Variants in CSMD1 observed in about 807,000 individuals in gnomAD.
CSMD1 encodes CUB and sushi domain-containing protein 1.
In CSMD1, 213 loss-of-function variants were observed where a neutral mutation model predicts 417.5. The observed-to-expected ratio is 0.51, with a 90% confidence interval of 0.46 to 0.57. The LOEUF is 0.57. CSMD1 is among the 20% of genes least tolerant of loss of function. The probability of loss-of-function intolerance (pLI) is 0.00; values close to 1 mark genes in which losing one functional copy is unlikely to be tolerated. For synonymous variants in CSMD1, 2,862 were observed against 1,736.8 expected (o/e 1.65, Z -16.11); for missense variants, 6,923 against 4,529.7 (o/e 1.53, Z -15.17).
At chr8:4,098,959 C>A (rs1801164029) in intron 3 of CSMD1, among the ~76,000 whole-genome samples, 1 of 152,134 alleles carries the variant, frequency 6.6e-6, no homozygotes, top group Admixed American at 6.5e-5. Context: ...AACTGTTTTA[C>A]AATTTTCAAA....
chr8:3,218,620 A>C (rs7006966), intron 29 of CSMD1, among the ~76,000 whole-genome samples: 41,688 of 148,464 alleles, frequency 0.28, 6,048 homozygotes, highest in African/African-American at 0.32. Context: ...GTCTATAATC[A>C]CAGCACTTTG....
In CSMD1 at chr8:4,145,253, A is replaced by G. The variant is rs13257224; in HGVS notation, c.416-113154T>C. On this transcript the variant is annotated intron_variant, in intron 3 of 69. Transcript: ENST00000635120. ...TAGGACATTCATGACCTGGACAGGT[A>G]TAACTGGAACTTGTAGAGTTAGACT... Among the ~76,000 whole-genome samples the G allele has an allele frequency of 1.7e-3, 258 of 150,902 alleles. 2 individuals are homozygous for G. Among genetic ancestry groups the G allele is most frequent in the Admixed American group, 4.9e-3 (75 of 15,232 alleles).
chr8:3,616,224 C>A (rs113701355), intron 8 of CSMD1, among the ~76,000 whole-genome samples: 1 of 152,090 alleles, frequency 6.6e-6, no homozygotes, highest in Non-Finnish European at 1.5e-5. Flanking sequence ...TGGGAGGGAC[C>A]GGTGAGAGGC....
intron 5 of CSMD1, among the ~76,000 whole-genome samples, chr8:3,894,664 G>C (rs1417959305): frequency 5.3e-5 from 8 of 152,158 alleles, no homozygotes; most frequent in Non-Finnish European, 7.3e-5. Flanking sequence ...CCTAACAAGA[G>C]AGTCTAATTG....
At chr8:3,868,428 G>A (rs145554850) in intron 5 of CSMD1, among the ~76,000 whole-genome samples, 240 of 152,240 alleles carry the variant, frequency 1.6e-3, no homozygotes, top group Non-Finnish European at 3.0e-3. Flanking sequence ...CAGCTGGGGG[G>A]CAGCTGTAAG....
At chr8:3,564,517 T>TTTTG (rs144757433) in intron 10 of CSMD1, among the ~76,000 whole-genome samples, 1,498 of 145,488 alleles carry the variant, frequency 0.01, 14 homozygotes, top group Non-Finnish European at 0.014. Context: ...CACAGTATAT[T>TTTTG]TGTGTGTGTG....
intron 1 of CSMD1, among the ~76,000 whole-genome samples, chr8:4,954,920 C>A (rs982616986): frequency 2.0e-5 from 3 of 152,164 alleles, no homozygotes; most frequent in Non-Finnish European, 2.9e-5. Context: ...TTGAAATGAT[C>A]AGTGAAAACA....
intron 5 of CSMD1, among the ~76,000 whole-genome samples, chr8:3,809,212 C>A (rs73504737): frequency 6.6e-6 from 1 of 152,146 alleles, no homozygotes; most frequent in Non-Finnish European, 1.5e-5. Flanking sequence ...CCCATCAGGT[C>A]TCCAGTTAAG....
At chr8:4,337,048 A>G (rs931616516) in intron 3 of CSMD1, among the ~76,000 whole-genome samples, 2 of 152,098 alleles carry the variant, frequency 1.3e-5, no homozygotes, top group Admixed American at 6.6e-5. Context: ...TTTTGCCCAC[A>G]CATTGCATTC....
In CSMD1 at chr8:4,189,474, A is replaced by T. The variant is rs369117627; in HGVS notation, c.416-157375T>A. 3.0e-4 allele frequency among the ~76,000 whole-genome samples: 46 copies of T among 152,274 alleles called. No individual in the cohort carries two copies. In the East Asian group the frequency reaches 6.6e-3, roughly 22 times the overall value. ...TATGTTTGCAGAAAAGAAAAACAAA[A>T]TTTTTCCGCTAGACAGAGAGCTATT... On this transcript the variant is annotated intron_variant, in intron 3 of 69. Transcript: ENST00000635120.
intron 3 of CSMD1, among the ~76,000 whole-genome samples, chr8:4,129,542 T>C (rs1265320887): frequency 1.3e-5 from 2 of 151,800 alleles, no homozygotes; most frequent in South Asian, 2.1e-4. Flanking sequence ...ATTTTGAGAT[T>C]GGATTCCATC....
chr8:3,878,244 T>C (rs183809819), intron 5 of CSMD1, among the ~76,000 whole-genome samples: 110 of 152,310 alleles, frequency 7.2e-4, no homozygotes, highest in African/African-American at 2.5e-3. Flanking sequence ...GATGATAATT[T>C]CTTAGATTAT....
At chr8:4,489,552 T>C (rs1801593137) in intron 2 of CSMD1, among the ~76,000 whole-genome samples, 1 of 152,310 alleles carries the variant, frequency 6.6e-6, no homozygotes, top group East Asian at 1.9e-4. Flanking sequence ...GCAGACAGGC[T>C]ATGAAGGTGC....
intron 18 of CSMD1, among the ~76,000 whole-genome samples, chr8:3,381,930 C>G (rs1473750075): frequency 6.6e-6 from 1 of 152,094 alleles, no homozygotes; most frequent in African/African-American, 2.4e-5. Context: ...ACACAACATG[C>G]ATTGTTCTAT....
At chr8:4,334,200 C>T (rs542108003) in intron 3 of CSMD1, among the ~76,000 whole-genome samples, 1 of 152,054 alleles carries the variant, frequency 6.6e-6, no homozygotes, top group Admixed American at 6.6e-5. Flanking sequence ...AGCCACCATG[C>T]CTGGCCCTTA....
intron 10 of CSMD1, among the ~76,000 whole-genome samples, chr8:3,545,255 T>G (rs1338645157): frequency 1.3e-5 from 2 of 152,198 alleles, no homozygotes; most frequent in Non-Finnish European, 2.9e-5. Context: ...TATGAACTTT[T>G]CTGATTTAAA....
intron 7 of CSMD1, among the ~76,000 whole-genome samples, chr8:3,650,555 T>A (rs368493844): frequency 3.5e-4 from 53 of 152,298 alleles, no homozygotes; most frequent in African/African-American, 1.3e-3. Flanking sequence ...ATCTGTTATG[T>A]TATTACAGAT....
intron 6 of CSMD1, among the ~76,000 whole-genome samples, chr8:3,727,722 T>C (rs1311571852): frequency 6.6e-6 from 1 of 152,148 alleles, no homozygotes; most frequent in Non-Finnish European, 1.5e-5. Flanking sequence ...AGACTGTCCA[T>C]AAACACATGA....
At chr8:3,830,502 G>C (rs143717960) in intron 5 of CSMD1, among the ~76,000 whole-genome samples, 84 of 152,290 alleles carry the variant, frequency 5.5e-4, no homozygotes, top group African/African-American at 1.7e-3. Flanking sequence ...GAGAATCATG[G>C]AGTTGTGAAG....
Sources: gnomAD v4.1 joint callset for allele counts (sites outside exome capture counted in the v4.1 genomes callset) on GRCh38, gnomAD v4.1.1 for gene constraint, MANE v1.5 for transcripts, NCBI Gene and HGNC (gene_info 2026-07-23, HGNC 2026-07-21) for gene names.